The following RIMS2 variants were observed in gnomAD, a reference collection of about 807,000 sequenced individuals.
RIMS2 encodes regulating synaptic membrane exocytosis 2, also known as regulating synaptic membrane exocytosis protein 2.
In RIMS2, 59 loss-of-function variants were observed where a neutral mutation model predicts 174.4. The ratio of observed to expected loss-of-function variants is 0.34; its 90% CI spans 0.27 to 0.42. The LOEUF (loss-of-function observed/expected upper bound fraction) is 0.42. Among genes scored for constraint, RIMS2 ranks in the 10% least tolerant of loss-of-function variants. The pLI is 1.00. For synonymous variants in RIMS2, 606 were observed against 572.5 expected, an observed-to-expected ratio of 1.06 and a Z score of -0.84; for missense variants, 1,620 against 1,666.3, an observed-to-expected ratio of 0.97 and a Z score of 0.48.
intron 3 of RIMS2, among the ~76,000 whole-genome samples, chr8:103,809,921 T>C (rs1197703399): frequency 6.6e-6 from 1 of 152,214 alleles, no homozygotes; most frequent in Admixed American, 6.5e-5. Context: ...AGTCTTGATG[T>C]AATCCCTTTT....
At chr8:103,911,933 C>T in intron 5 of RIMS2, 120 bp from the exon 9 acceptor site, 2 of 683,586 alleles carry the variant, frequency 2.9e-6, no homozygotes, top group Non-Finnish European at 2.3e-6. Flanking sequence ...GTAATCATAA[C>T]ACTGAAATTC....
intron 14 of RIMS2, among the ~76,000 whole-genome samples, chr8:103,948,061 T>C (rs1198208604): frequency 6.6e-6 from 1 of 152,176 alleles, no homozygotes. Flanking sequence ...GATTAAAATA[T>C]ATGGATCACA....
At chr8:103,876,561 A>G (rs2154515291) in intron 3 of RIMS2, among the ~76,000 whole-genome samples, 1 of 151,402 alleles carries the variant, frequency 6.6e-6, no homozygotes, top group East Asian at 2.0e-4. Flanking sequence ...AGCAGTATAC[A>G]CTGAACCCAA....
intron 1 of RIMS2, among the ~76,000 whole-genome samples, chr8:103,662,117 C>G (rs1199275824): frequency 6.6e-6 from 1 of 152,190 alleles, no homozygotes; most frequent in Non-Finnish European, 1.5e-5. Flanking sequence ...TTCCAAAAAT[C>G]TTATAATACT....
intron 3 of RIMS2, among the ~76,000 whole-genome samples, chr8:103,837,633 T>A (rs939988594): frequency 6.6e-6 from 1 of 152,190 alleles, no homozygotes; most frequent in African/African-American, 2.4e-5. Flanking sequence ...GTCCTTGCGA[T>A]AGTTTGCTGA....
At chr8:103,831,986 G>A (rs2098828530) in intron 3 of RIMS2, among the ~76,000 whole-genome samples, 1 of 152,168 alleles carries the variant, frequency 6.6e-6, no homozygotes, top group Admixed American at 6.5e-5. Flanking sequence ...GGTGCTCAGG[G>A]AGATCACTAG....
intron 19 of RIMS2, among the ~76,000 whole-genome samples, chr8:104,224,435 A>G (rs1354418990): frequency 6.6e-6 from 1 of 152,222 alleles, no homozygotes; most frequent in Non-Finnish European, 1.5e-5. Flanking sequence ...GAATAACATA[A>G]CATGTATTTT....
intron 19 of RIMS2, among the ~76,000 whole-genome samples, chr8:104,041,118 A>C (rs2096601090): frequency 6.6e-6 from 1 of 151,638 alleles, no homozygotes. Flanking sequence ...GAATCCGCTA[A>C]CCTATAGTAA....
At chr8:104,136,204 A>G (rs776065757) in intron 19 of RIMS2, among the ~76,000 whole-genome samples, 1 of 152,126 alleles carries the variant, frequency 6.6e-6, no homozygotes, top group Non-Finnish European at 1.5e-5. Flanking sequence ...TTTATTGTCT[A>G]TCTTATGTCT....
At chr8:103,764,602 A>G (rs747217433) in intron 2 of RIMS2, among the ~76,000 whole-genome samples, 1 of 152,168 alleles carries the variant, frequency 6.6e-6, no homozygotes, top group African/African-American at 2.4e-5. Flanking sequence ...GAACTGAGGC[A>G]TGTTCTTTTT....
intron 4 of RIMS2, among the ~76,000 whole-genome samples, chr8:103,888,141 CTAATA>C (rs1192392063): frequency 6.6e-6 from 1 of 151,166 alleles, no homozygotes; most frequent in African/African-American, 2.4e-5. Context: ...CGGTGAAATT[CTAATA>C]TAATATATTA....
At chr8:103,953,668 C>T (rs1266367296) in intron 14 of RIMS2, among the ~76,000 whole-genome samples, 8 of 152,096 alleles carry the variant, frequency 5.3e-5, no homozygotes, top group South Asian at 2.1e-4. Context: ...TAAAGACCAT[C>T]GACATTATGA....
chr8:103,768,705 CA>C lies in RIMS2; in HGVS notation c.698+2171del, dbSNP rs1340878000. On this transcript the variant is annotated intron_variant, in intron 3 of 23. Coordinates refer to ENST00000504942, the Ensembl canonical transcript of RIMS2. ...GGCCCAAAAGAGCTAGCAGAATCCA[CA>C]AACTTTTCAATCTCTCTAAAGAAGA... is the stretch of plus-strand genomic sequence containing the variant. 2.4e-4 allele frequency: 182 copies of C among 769,470 alleles called. 1 individual carries two copies. Among genetic ancestry groups the C allele is most frequent in the Middle Eastern group, 6.8e-4 (2 of 2,934 alleles). The allele number at this position is 769,470 out of a possible 1,614,324, so 47.7% of individuals were successfully genotyped here.
intron 2 of RIMS2, among the ~76,000 whole-genome samples, chr8:103,760,403 C>T (rs952290160): frequency 1.3e-5 from 2 of 152,208 alleles, no homozygotes; most frequent in African/African-American, 4.8e-5. Context: ...ATGACAGTAT[C>T]TCTTAATTGC....
intron 3 of RIMS2, among the ~76,000 whole-genome samples, chr8:103,868,164 G>T (rs980793676): frequency 1.3e-5 from 2 of 151,814 alleles, no homozygotes; most frequent in African/African-American, 4.8e-5. Flanking sequence ...TAGCAGTCTT[G>T]GTTGGATACG....
At chr8:104,172,956 C>T (rs574208256) in intron 19 of RIMS2, among the ~76,000 whole-genome samples, 1 of 152,260 alleles carries the variant, frequency 6.6e-6, no homozygotes, top group East Asian at 1.9e-4. Context: ...ATGAAGATTG[C>T]CCAGTCAAGA....
chr8:103,652,799 G>C (rs1236059411), intron 1 of RIMS2, 89 bp downstream of exon 3: 1 of 768,302 alleles, frequency 1.3e-6, no homozygotes, highest in Non-Finnish European at 1.9e-6. Context: ...CCTTGAAATA[G>C]TATGCCCTCA....
intron 1 of RIMS2, among the ~76,000 whole-genome samples, chr8:103,616,414 T>C (rs1236261279): frequency 6.6e-6 from 1 of 152,232 alleles, no homozygotes; most frequent in African/African-American, 2.4e-5. Flanking sequence ...GCCAACATTA[T>C]ATTGAATGGA....
chr8:104,050,599 G>A (rs2096769752), intron 19 of RIMS2, among the ~76,000 whole-genome samples: 1 of 152,060 alleles, frequency 6.6e-6, no homozygotes, highest in African/African-American at 2.4e-5. Context: ...GTTTAGAAAA[G>A]GAGAATAATT....
Sources: allele counts gnomAD v4.1 joint callset (sites outside exome capture counted in the v4.1 genomes callset), GRCh38; gene constraint gnomAD v4.1.1; transcripts MANE v1.5; gene names NCBI Gene and HGNC (gene_info 2026-07-23, HGNC 2026-07-21).